The following YIPF7 variants were observed in gnomAD, a reference collection of about 807,000 sequenced individuals.
YIPF7 encodes protein YIPF7.
Under a neutral mutation model 27.2 loss-of-function variants are expected in YIPF7, and 35 were observed. The observed-to-expected ratio is 1.29, with a 90% CI of 0.98 to 1.70. The LOEUF (loss-of-function observed/expected upper bound fraction) is 1.70. Ranked by LOEUF, YIPF7 falls within the 40% of genes most tolerant of loss-of-function variation. YIPF7 has a pLI of 0.00. For missense variants in YIPF7, 358 were observed against 303.7 expected (o/e 1.18, Z -1.33); for synonymous variants, 137 against 110.4 (o/e 1.24, Z -1.51).
intron 4 of YIPF7, 118 bp from the exon 5 acceptor site, chr4:44,624,900 G>C: frequency 2.2e-6 from 2 of 927,674 alleles, no homozygotes; most frequent in South Asian, 3.9e-5. Flanking sequence ...TGTCTTTGTA[G>C]GACTGTCATC....
chr4:44,658,619 G>A (rs1713965590), intron 2 of YIPF7, among the ~76,000 whole-genome samples: 1 of 152,192 alleles, frequency 6.6e-6, no homozygotes, highest in African/African-American at 2.4e-5. Context: ...AACTGTGCAA[G>A]ACGATCCAAT....
chr4:44,647,513 A>T (rs1177198453), intron 2 of YIPF7, among the ~76,000 whole-genome samples: 1 of 152,116 alleles, frequency 6.6e-6, no homozygotes, highest in Non-Finnish European at 1.5e-5. Context: ...TTCATTGTGG[A>T]TTGCAAATTT....
intron 2 of YIPF7, among the ~76,000 whole-genome samples, chr4:44,647,376 A>G (rs532117769): frequency 6.6e-6 from 1 of 152,148 alleles, no homozygotes; most frequent in Non-Finnish European, 1.5e-5. Flanking sequence ...TTTAATCTGA[A>G]AATATCAATG....
At chr4:44,650,688 C>G (rs964466343) in intron 1 of YIPF7, among the ~76,000 whole-genome samples, 2 of 152,200 alleles carry the variant, frequency 1.3e-5, no homozygotes, top group Non-Finnish European at 2.9e-5. Context: ...GGATACTGCA[C>G]CTGGGCTTCT....
At chr4:44,647,384 A>G (rs1337001970) in intron 2 of YIPF7, among the ~76,000 whole-genome samples, 1 of 152,198 alleles carries the variant, frequency 6.6e-6, no homozygotes, top group East Asian at 1.9e-4. Flanking sequence ...GAAAATATCA[A>G]TGCTACCCAA....
chr4:44,637,363 C>T (rs569758055), intron 2 of YIPF7, among the ~76,000 whole-genome samples: 54 of 152,294 alleles, frequency 3.5e-4, no homozygotes, highest in Non-Finnish European at 6.8e-4. Context: ...TTCCCACCAA[C>T]AGTGTGTAAG....
At chr4:44,658,636 G>C (rs1173835543) in intron 2 of YIPF7, among the ~76,000 whole-genome samples, 1 of 152,146 alleles carries the variant, frequency 6.6e-6, no homozygotes, top group African/African-American at 2.4e-5. Flanking sequence ...CAATGGAGTA[G>C]AGAAAACAAC....
chr4:44,641,043 G>A (rs899656148), intron 2 of YIPF7, among the ~76,000 whole-genome samples: 3 of 152,044 alleles, frequency 2.0e-5, no homozygotes, highest in Non-Finnish European at 4.4e-5. Context: ...TCTAGGGTTT[G>A]AGAGAGTCAA....
intron 1 of YIPF7, among the ~76,000 whole-genome samples, chr4:44,650,505 G>GCACACACACACACA (rs150789716): frequency 3.3e-5 from 4 of 122,276 alleles, no homozygotes; most frequent in African/African-American, 1.3e-4. Context: ...GCGCGCGCGC[G>GCACACACACACACA]CGCACACACA....
At chr4:44,652,964 T>C (rs1295289428), upstream of YIPF7, among the ~76,000 whole-genome samples, 1 of 152,100 alleles carries the variant, frequency 6.6e-6, no homozygotes, top group Non-Finnish European at 1.5e-5. Context: ...ATTTCAGGAA[T>C]TATACAATAG....
Position 44,643,040 on chromosome 4 carries a change from G to A in YIPF7, c.116+6945C>T, listed in dbSNP as rs747485407. On this transcript the variant is annotated intron_variant, in intron 2 of 5. Coordinates refer to ENST00000415895, the MANE Select transcript of YIPF7 (RefSeq NM_182592.3). Reference sequence around the variant, plus strand: ...TTTTGGAACTGGGTAACAGGTAGATGTCAGAAGAGTGTGGAGGGCTCAGAA... The same window carrying A: ...TTTTGGAACTGGGTAACAGGTAGATATCAGAAGAGTGTGGAGGGCTCAGAA... 1.2e-3 allele frequency among the ~76,000 whole-genome samples: 190 copies of A among 152,288 alleles called. 2 individuals are homozygous for A. The highest frequency in any genetic ancestry group is 1.3e-3 in the Non-Finnish European group (91 of 68,008).
At chr4:44,647,793 C>T (rs7682352) in intron 2 of YIPF7, among the ~76,000 whole-genome samples, 82,828 of 151,798 alleles carry the variant, frequency 0.55, 23,551 homozygotes, top group Non-Finnish European at 0.64. Context: ...AAAGAGAGTC[C>T]ATTTTTTTCT....
chr4:44,628,972 G>A (rs1472758745), intron 4 of YIPF7, among the ~76,000 whole-genome samples: 1 of 152,148 alleles, frequency 6.6e-6, no homozygotes, highest in Non-Finnish European at 1.5e-5. Context: ...TACCTCATAA[G>A]ATGTTAGAAA....
chr4:44,642,955 A>G (rs1713387704), intron 2 of YIPF7, among the ~76,000 whole-genome samples: 1 of 152,138 alleles, frequency 6.6e-6, no homozygotes, highest in South Asian at 2.1e-4. Flanking sequence ...GCCTAATACA[A>G]GAAATTGGTA....
At chr4:44,647,580 T>C (rs1713573014) in intron 2 of YIPF7, among the ~76,000 whole-genome samples, 1 of 152,116 alleles carries the variant, frequency 6.6e-6, no homozygotes, top group Admixed American at 6.6e-5. Flanking sequence ...CCTCAAACAT[T>C]TTCCTGTTTT....
chr4:44,656,162 G>T (rs1455007015), upstream of YIPF7, among the ~76,000 whole-genome samples: 1 of 151,868 alleles, frequency 6.6e-6, no homozygotes, highest in African/African-American at 2.4e-5. Context: ...TATGAAAGTT[G>T]ATATGAGCAG....
At chr4:44,627,489 C>G (rs1015646966) in intron 4 of YIPF7, among the ~76,000 whole-genome samples, 1 of 152,130 alleles carries the variant, frequency 6.6e-6, no homozygotes, top group Non-Finnish European at 1.5e-5. Flanking sequence ...GGTAAAATCA[C>G]TCTTACATTT....
chr4:44,642,752 T>C (rs948801316), intron 2 of YIPF7, among the ~76,000 whole-genome samples: 7 of 152,086 alleles, frequency 4.6e-5, no homozygotes, highest in Non-Finnish European at 1.0e-4. Context: ...TTCCCACCTC[T>C]CTCTCGATCC....
chr4:44,653,861 A>G (rs926481048), upstream of YIPF7, among the ~76,000 whole-genome samples: 6 of 151,968 alleles, frequency 3.9e-5, no homozygotes, highest in Admixed American at 2.6e-4. Context: ...CTTTTTTTTG[A>G]CGTATAAATT....
Sources: allele counts gnomAD v4.1 joint callset (sites outside exome capture counted in the v4.1 genomes callset), GRCh38; gene constraint gnomAD v4.1.1; transcripts MANE v1.5; gene names NCBI Gene and HGNC (gene_info 2026-07-23, HGNC 2026-07-21).